Variants in PCDH11X observed in about 807,000 individuals in gnomAD.
The protein encoded by PCDH11X is protocadherin-11 X-linked.
In PCDH11X, 18 loss-of-function variants were observed where a neutral mutation model predicts 53.3. That is an observed-to-expected ratio of 0.34 (90% CI 0.23 to 0.50). PCDH11X has a LOEUF of 0.50. PCDH11X is among the 20% of genes least tolerant of loss of function. The probability of loss-of-function intolerance (pLI) is 0.98; values close to 1 mark genes in which losing one functional copy is unlikely to be tolerated. For missense variants in PCDH11X, 570 were observed against 1,032.4 expected (o/e 0.55, Z 6.14); for synonymous variants, 279 against 393.3 (o/e 0.71, Z 3.44).
rs192672496 is a variant in PCDH11X at position 92,015,001 on chromosome X, G to A, written c.3033+135728G>A. ...GTTTACATATGGAACAAACCTGCAT[G>A]TTGTGCACATGTACCCTAAAACTTA... On this transcript the variant is annotated intron_variant, in intron 6 of 10. Coordinates refer to ENST00000682573, the MANE Select transcript of PCDH11X (RefSeq NM_032968.5). Among the ~76,000 whole-genome samples the A allele has an allele frequency of 6.6e-3, 735 of 110,932 alleles. 3 individuals carry two copies. The highest frequency in any genetic ancestry group is 9.3e-3 in the Non-Finnish European group (494 of 52,997).
intron 6 of PCDH11X, among the ~76,000 whole-genome samples, chrX:91,955,875 T>A (rs1410688076): frequency 1.8e-5 from 2 of 110,570 alleles, no homozygotes; most frequent in South Asian, 8.0e-4. Context: ...TGTCCCTCAC[T>A]ATTATTGTGT....
At chrX:92,103,371 A>G (rs897108655) in intron 6 of PCDH11X, among the ~76,000 whole-genome samples, 4 of 111,049 alleles carry the variant, frequency 3.6e-5, no homozygotes, top group African/African-American at 1.3e-4. Context: ...CAGACCCTTG[A>G]AAAGAAGGTA....
chrX:92,589,425 A>G (rs1359799802), intron 10 of PCDH11X, among the ~76,000 whole-genome samples: 1 of 111,742 alleles, frequency 8.9e-6, no homozygotes, highest in African/African-American at 3.3e-5. Flanking sequence ...ATTAACAACA[A>G]AAATTTGAAA....
chrX:92,400,271 G>A (rs1272968180), intron 9 of PCDH11X, among the ~76,000 whole-genome samples: 1 of 111,611 alleles, frequency 9.0e-6, no homozygotes, highest in East Asian at 2.8e-4. Flanking sequence ...CATCTCTGCA[G>A]GTGAAGTCAT....
intron 10 of PCDH11X, among the ~76,000 whole-genome samples, chrX:92,599,219 A>G (rs993801906): frequency 4.5e-5 from 5 of 111,933 alleles, no homozygotes; most frequent in African/African-American, 1.6e-4. Flanking sequence ...AACATGAAGG[A>G]TAAATGCTTG....
At chrX:92,142,045 G>T (rs1375510571) in intron 6 of PCDH11X, among the ~76,000 whole-genome samples, 1 of 111,266 alleles carries the variant, frequency 9.0e-6, no homozygotes, top group East Asian at 2.8e-4. Context: ...AATTAAGTTG[G>T]ATTAATTTTA....
At chrX:91,851,932 G>A (rs1421972915) in intron 5 of PCDH11X, among the ~76,000 whole-genome samples, 3 of 109,278 alleles carry the variant, frequency 2.7e-5, no homozygotes, top group Non-Finnish European at 5.7e-5. Context: ...TGTTTTTCTA[G>A]GATAGTGAGA....
chrX:92,504,194 G>A (rs1159070611), intron 10 of PCDH11X, among the ~76,000 whole-genome samples: 1 of 107,465 alleles, frequency 9.3e-6, no homozygotes, highest in Non-Finnish European at 1.9e-5. Context: ...GGAGTATGGT[G>A]TACAGATTAT....
intron 8 of PCDH11X, among the ~76,000 whole-genome samples, chrX:92,305,275 C>T (rs1431052074): frequency 9.1e-6 from 1 of 109,542 alleles, no homozygotes. Flanking sequence ...AAAGTTACCA[C>T]AGATGGGGTA....
chrX:92,516,393 T>C (rs1314494032), intron 10 of PCDH11X, among the ~76,000 whole-genome samples: 1 of 112,310 alleles, frequency 8.9e-6, no homozygotes, highest in East Asian at 2.8e-4. Context: ...AGAAATAAAA[T>C]GAAGCTTTTT....
chrX:92,242,537 C>T (rs2067279548), intron 7 of PCDH11X, among the ~76,000 whole-genome samples: 1 of 111,671 alleles, frequency 9.0e-6, no homozygotes, highest in African/African-American at 3.3e-5. Flanking sequence ...TGAAGGCCAC[C>T]TAGGCTGTTT....
At chrX:92,145,103 C>T (rs1216667733) in intron 6 of PCDH11X, among the ~76,000 whole-genome samples, 1 of 111,104 alleles carries the variant, frequency 9.0e-6, no homozygotes, top group African/African-American at 3.3e-5. Flanking sequence ...TGAACATAAC[C>T]TGTAGACAGT....
intron 6 of PCDH11X, among the ~76,000 whole-genome samples, chrX:92,184,918 A>AATAAT (rs764776700): frequency 1.5e-3 from 170 of 111,076 alleles, no homozygotes; most frequent in Non-Finnish European, 3.8e-4. Context: ...TGGGATTGGT[A>AATAAT]ATAATATAAT....
intron 8 of PCDH11X, among the ~76,000 whole-genome samples, chrX:92,359,533 G>A (rs1351880648): frequency 1.8e-5 from 2 of 110,648 alleles, no homozygotes; most frequent in Non-Finnish European, 3.8e-5. Flanking sequence ...ATAAAATTCA[G>A]TGAATCAAAA....
chrX:92,173,984 CAAAAAAAAAA>C (rs145379428), intron 6 of PCDH11X, among the ~76,000 whole-genome samples: 1 of 29,563 alleles, frequency 3.4e-5, no homozygotes, highest in African/African-American at 1.4e-4. Context: ...GACCCAGTCT[CAAAAAAAAAA>C]AAAAAAAAAA....
At chrX:92,177,038 C>A (rs2065921154) in intron 6 of PCDH11X, among the ~76,000 whole-genome samples, 1 of 104,799 alleles carries the variant, frequency 9.5e-6, no homozygotes, top group African/African-American at 3.5e-5. Context: ...TGCAGTGGGG[C>A]AATCTCGGCT....
At chrX:92,385,048 T>C (rs774357336) in intron 8 of PCDH11X, among the ~76,000 whole-genome samples, 4 of 96,257 alleles carry the variant, frequency 4.2e-5, no homozygotes, top group Non-Finnish European at 8.6e-5. Context: ...CCTTTCAGTG[T>C]CTCAGTCATA....
chrX:92,144,875 T>A (rs1480781951), intron 6 of PCDH11X, among the ~76,000 whole-genome samples: 1 of 111,773 alleles, frequency 8.9e-6, no homozygotes, highest in African/African-American at 3.3e-5. Context: ...ACCTTTGAAC[T>A]GGATCTACAA....
In PCDH11X at chrX:92,352,102, A is replaced by C. The variant is rs1436079492; in HGVS notation, c.3145-35633A>C. Among the ~76,000 whole-genome samples, 3 of 111,804 alleles carry C rather than the reference A, an allele frequency of 2.7e-5. No homozygotes were observed. In the East Asian group the frequency reaches 8.4e-4, roughly 31 times the overall value. ...CATAACTTTCTATTTTACAGAATAA[A>C]AAATTGTTAATATTGAAGATGCAGT... On this transcript the variant is annotated intron_variant, in intron 8 of 10. Coordinates refer to ENST00000682573, the MANE Select transcript of PCDH11X (RefSeq NM_032968.5).
Sources: gnomAD v4.1 joint callset for allele counts (sites outside exome capture counted in the v4.1 genomes callset) on GRCh38, gnomAD v4.1.1 for gene constraint, MANE v1.5 for transcripts, NCBI Gene and HGNC (gene_info 2026-07-23, HGNC 2026-07-21) for gene names.